The following ZBTB44 variants were observed in gnomAD, a reference collection of about 807,000 sequenced individuals.
The protein encoded by ZBTB44 is zinc finger and BTB domain-containing protein 44.
In ZBTB44, 15 loss-of-function variants were observed where a neutral mutation model predicts 54.0. The observed-to-expected ratio is 0.28, with a 90% confidence interval of 0.19 to 0.43. The LOEUF (loss-of-function observed/expected upper bound fraction) is 0.43, where lower values mean the gene tolerates loss of function less well. ZBTB44 is among the 20% of genes least tolerant of loss of function. ZBTB44 has a pLI of 1.00. For synonymous variants in ZBTB44, 230 were observed against 250.1 expected, an observed-to-expected ratio of 0.92 and a Z score of 0.76; for missense variants, 487 against 707.1, an observed-to-expected ratio of 0.69 and a Z score of 3.53.
intron 4 of ZBTB44, among the ~76,000 whole-genome samples, chr11:130,237,396 T>C (rs1362851591): frequency 1.3e-5 from 2 of 152,196 alleles, no homozygotes; most frequent in Non-Finnish European, 2.9e-5. Flanking sequence ...ACAATTTAAC[T>C]ACAGTATGTA....
At chr11:130,313,886 C>T (rs533486208) in intron 1 of ZBTB44, among the ~76,000 whole-genome samples, 2 of 151,654 alleles carry the variant, frequency 1.3e-5, no homozygotes, top group Non-Finnish European at 2.9e-5. Context: ...CAGAGTGATC[C>T]TCAGGAAGGA....
At chr11:130,237,217 A>AAAAC in intron 4 of ZBTB44, 124 bp from the exon 5 acceptor site, 1 of 976,076 alleles carries the variant, frequency 1.0e-6, no homozygotes, top group Non-Finnish European at 1.4e-6. Context: ...ATTACCAGCA[A>AAAAC]AAACATATTC....
chr11:130,277,860 A>G (rs1450497944), intron 1 of ZBTB44, among the ~76,000 whole-genome samples: 1 of 152,140 alleles, frequency 6.6e-6, no homozygotes, highest in Non-Finnish European at 1.5e-5. Context: ...TTTAAAAAAG[A>G]TAGCATTGTT....
chr11:130,244,366 T>A (rs1954535985), intron 2 of ZBTB44, among the ~76,000 whole-genome samples: 1 of 152,078 alleles, frequency 6.6e-6, no homozygotes, highest in African/African-American at 2.4e-5. Flanking sequence ...GTTATAATAT[T>A]TTAATGAAAA....
rs1285239200 is a variant in ZBTB44 at position 130,228,610 on chromosome 11, A to G, written c.*3154T>C. On this transcript the variant is annotated 3_prime_UTR_variant, in exon 8 of 8. Coordinates refer to ENST00000357899, the MANE Select transcript of ZBTB44 (RefSeq NM_001301098.2). The stretch of plus-strand genomic sequence containing the variant: ...CAAGGGAAACGTGCATTAAGAGGAG[A>G]GATGACAGGGCTCCCTTAAAGCAGG... 6.6e-6 allele frequency: 1 copy of G among 152,172 alleles called. No individual in the cohort carries two copies. The allele number at this position is 152,172 out of a possible 1,614,324, so 9.4% of individuals were successfully genotyped here.
At chr11:130,282,814 CAT>C (rs1340732245) in intron 1 of ZBTB44, among the ~76,000 whole-genome samples, 6 of 152,120 alleles carry the variant, frequency 3.9e-5, no homozygotes, top group African/African-American at 9.7e-5. Context: ...CAGCAGATGT[CAT>C]GTGTGTGACA....
chr11:130,286,939 T>C (rs986409795), intron 1 of ZBTB44, among the ~76,000 whole-genome samples: 1 of 152,210 alleles, frequency 6.6e-6, no homozygotes, highest in Non-Finnish European at 1.5e-5. Flanking sequence ...AAGCTATCAT[T>C]ATTGACAGAT....
At chr11:130,247,955 T>C (rs1565650556) in intron 2 of ZBTB44, among the ~76,000 whole-genome samples, 1 of 152,218 alleles carries the variant, frequency 6.6e-6, no homozygotes, top group Non-Finnish European at 1.5e-5. Context: ...TGCAAGTTGA[T>C]ACTGAATTTT....
rs753817585 is a variant in ZBTB44 at position 130,260,917 on chromosome 11, T to C, written c.957A>G (p.Thr319=). 38 of 1,613,912 alleles carry C rather than the reference T, an allele frequency of 2.4e-5. No individual in the cohort carries two copies. Among genetic ancestry groups the C allele is most frequent in the Admixed American group, 3.3e-5 (2 of 60,006 alleles). Residue 319 remains threonine, a synonymous_variant, in exon 2 of 8, where the codon ACA becomes ACG. Transcript: ENST00000357899. The part of the protein sequence containing the change: ...ASQSSLSDQQ[T]VPGSEQVQED... ...CTTGGACTTGTTCACTTCCTGGAAC[T>C]GTCTGCTGATCACTCAGCGAACTCT... is the stretch of plus-strand genomic sequence containing the variant.
At chr11:130,281,286 G>A (rs1270916301) in intron 1 of ZBTB44, among the ~76,000 whole-genome samples, 6 of 152,164 alleles carry the variant, frequency 3.9e-5, no homozygotes, top group South Asian at 2.1e-4. Context: ...TTGGGAGGCC[G>A]AGGTGGGAGG....
chr11:130,241,117 T>C (rs542757059), intron 2 of ZBTB44, among the ~76,000 whole-genome samples: 23 of 152,356 alleles, frequency 1.5e-4, no homozygotes, highest in Non-Finnish European at 2.8e-4. Flanking sequence ...CATTTTACTC[T>C]TGATGGACAG....
intron 1 of ZBTB44, among the ~76,000 whole-genome samples, chr11:130,291,915 T>C (rs1472120206): frequency 6.6e-6 from 1 of 150,976 alleles, no homozygotes; most frequent in African/African-American, 2.4e-5. Context: ...ACAATTTCTG[T>C]AAGTTTCTTT....
chr11:130,289,234 G>C (rs1204549492), intron 1 of ZBTB44, among the ~76,000 whole-genome samples: 1 of 152,112 alleles, frequency 6.6e-6, no homozygotes, highest in Non-Finnish European at 1.5e-5. Flanking sequence ...TGTAATCCCA[G>C]CACTCTGGGA....
chr11:130,295,599 T>C, intron 1 of ZBTB44: 1 of 753,014 alleles, frequency 1.3e-6, no homozygotes, highest in Non-Finnish European at 2.3e-6. Context: ...TTTGCTTCTC[T>C]ACATAATATT....
At chr11:130,290,627 C>T (rs1565680358) in intron 1 of ZBTB44, among the ~76,000 whole-genome samples, 1 of 152,200 alleles carries the variant, frequency 6.6e-6, no homozygotes. Flanking sequence ...CTCTAAAATA[C>T]AATTATCTGA....
intron 2 of ZBTB44, among the ~76,000 whole-genome samples, chr11:130,257,029 T>G (rs190386047): frequency 6.6e-5 from 10 of 152,146 alleles, no homozygotes; most frequent in Non-Finnish European, 1.2e-4. Flanking sequence ...AAAACCCCAC[T>G]GTCTCTGCCC....
chr11:130,277,676 T>A (rs865931142), intron 1 of ZBTB44, among the ~76,000 whole-genome samples: 51 of 152,314 alleles, frequency 3.3e-4, no homozygotes, highest in African/African-American at 8.4e-4. Flanking sequence ...TTCTTTTTTT[T>A]AAAGTAATTA....
intron 4 of ZBTB44, 32 bp downstream of exon 4, chr11:130,238,412 C>A: frequency 6.4e-7 from 1 of 1,573,166 alleles, no homozygotes; most frequent in South Asian, 1.2e-5. Context: ...TTAGAGCGTT[C>A]ACTTACGCAC....
At chr11:130,262,646 C>A (rs1938956425) in intron 1 of ZBTB44, among the ~76,000 whole-genome samples, 1 of 150,152 alleles carries the variant, frequency 6.7e-6, no homozygotes, top group Non-Finnish European at 1.5e-5. Flanking sequence ...AAACACTGAA[C>A]AATCCATTAC....
Sources: gnomAD v4.1 joint callset for allele counts (sites outside exome capture counted in the v4.1 genomes callset) on GRCh38, gnomAD v4.1.1 for gene constraint, MANE v1.5 for transcripts, NCBI Gene and HGNC (gene_info 2026-07-23, HGNC 2026-07-21) for gene names.